GRM4: variants seen among roughly 807,000 people sequenced by gnomAD.
GRM4 encodes the protein glutamate metabotropic receptor 4, also known as metabotropic glutamate receptor 4.
Under a neutral mutation model 81.7 loss-of-function variants are expected in GRM4, and 28 were observed. The ratio of observed to expected loss-of-function variants is 0.34; its 90% CI spans 0.25 to 0.47. GRM4 has a LOEUF of 0.47. Ranked by LOEUF, GRM4 falls within the 20% of genes least tolerant of loss-of-function variation. The pLI, the probability that GRM4 is intolerant of heterozygous loss-of-function variation, is 1.00. For synonymous variants in GRM4, 488 were observed against 528.8 expected, an observed-to-expected ratio of 0.92 and a Z score of 1.06; for missense variants, 948 against 1,290.0, an observed-to-expected ratio of 0.73 and a Z score of 4.06.
chr6:34,079,207 C>T lies in GRM4; in HGVS notation c.736+12676G>A, dbSNP rs79248713. On this transcript the variant is annotated intron_variant, in intron 3 of 10. Transcript: ENST00000538487. The stretch of plus-strand genomic sequence containing the variant: ...TCTCTGCCAGGGCCAGCCCACCCGC[C>T]TCACGTCACCTGCTGCTCTTTCAGG... 6.8e-3 allele frequency among the ~76,000 whole-genome samples: 1,032 copies of T among 152,328 alleles called. 9 individuals carry two copies. Among genetic ancestry groups the T allele is most frequent in the African/African-American group, 0.019 (795 of 41,558 alleles).
In GRM4 at chr6:34,115,149, C is replaced by T. The variant is rs1469158481; in HGVS notation, c.519+17829G>A. On this transcript the variant is annotated intron_variant, in intron 2 of 10. Transcript: ENST00000538487. This position sits in a 1 kb window ranked among gnomAD's most constrained non-coding sequence, Gnocchi z 4.1. ...CCAGGGTTGAGAGGTGGTCAGGGCC[C>T]TGCCTAAACGCCAACACGCTGCCTC... is the stretch of plus-strand genomic sequence containing the variant. 2.0e-5 allele frequency among the ~76,000 whole-genome samples: 3 copies of T among 152,194 alleles called. No homozygotes were observed. The highest frequency in any genetic ancestry group is 2.9e-5 in the Non-Finnish European group (2 of 68,046).
intron 2 of GRM4, chr6:34,103,824 C>A: frequency 7.0e-7 from 1 of 1,428,704 alleles, no homozygotes; most frequent in Non-Finnish European, 9.1e-7. Context: ...ACAGGCACCA[C>A]GGTGAAAGAC....
rs970119630 is a variant in GRM4, at chr6:34,034,547, T to C, written c.2442+1121A>G. ...CTGCAGCGGCCTCTCTTCTCACTCA[T>C]GGTAAAAGCCAATGTCATTGCCACC... On this transcript the variant is annotated intron_variant, in intron 9 of 10. Coordinates refer to ENST00000538487, the MANE Select transcript of GRM4 (RefSeq NM_000841.4). This position sits in a 1 kb window ranked among gnomAD's most constrained non-coding sequence, Gnocchi z 4.0. 2.6e-5 allele frequency among the ~76,000 whole-genome samples: 4 copies of C among 152,208 alleles called. No homozygotes were observed. Among genetic ancestry groups the C allele is most frequent in the African/African-American group, 9.7e-5 (4 of 41,438 alleles).
At position 34,028,159 on chromosome 6, in the gene GRM4, C is replaced by T. The variant is rs984623886; in HGVS notation, c.2650G>A (p.Glu884Lys). 21 of 1,613,846 alleles carry T rather than the reference C, an allele frequency of 1.3e-5. No homozygotes were observed. The highest frequency in any genetic ancestry group is 1.3e-5 in the Non-Finnish European group (15 of 1,179,974). Residue 884 changes from glutamate to lysine, a missense_variant, in exon 10 of 11, where the codon GAG becomes AAG. Transcript: ENST00000538487. ...TQKGNFRPNG[E>K]AKSELCENLE... ...TTCTCGCAGAGCTCAGACTTGGCCT[C>T]TCCGTTGGGCCGGAAGTTGCCCTTC...
upstream of GRM4, among the ~76,000 whole-genome samples, chr6:34,150,172 A>ACC (rs112980021): frequency 1.3e-3 from 203 of 152,218 alleles, no homozygotes; most frequent in African/African-American, 4.6e-3. Flanking sequence ...TTGTACCTGT[A>ACC]CCCCACCTGC....
At position 34,056,440 on chromosome 6, in the gene GRM4, G is replaced by T. The variant is rs577197633; in HGVS notation, c.1168+104C>A. 4.3e-5 allele frequency: 45 copies of T among 1,055,808 alleles called. No individual in the cohort carries two copies. The South Asian group carries it at 6.6e-4, about 15-fold the overall frequency. The allele number at this position is 1,055,808 out of a possible 1,614,324, so 65.4% of individuals were successfully genotyped here. A position where few individuals can be genotyped will look rare whatever the true frequency, so the allele number is the denominator to read the frequency against. ...CCCAACTGCACGTCCTGCCACGGCC[G>T]GCCGACGACAGACAAAGGGAGACTC... On this transcript the variant is annotated intron_variant, in intron 6 of 10. Transcript: ENST00000538487.
chr6:34,096,972 G>C (rs926220904), intron 2 of GRM4, among the ~76,000 whole-genome samples: 2 of 152,092 alleles, frequency 1.3e-5, no homozygotes, highest in South Asian at 2.1e-4. Context: ...ACACGGGCTA[G>C]AGCGTGTGTC....
At chr6:34,053,409 C>A (rs1765704825) in intron 6 of GRM4, among the ~76,000 whole-genome samples, 2 of 152,186 alleles carry the variant, frequency 1.3e-5, no homozygotes, top group South Asian at 2.1e-4. Flanking sequence ...TCAGGTCCCA[C>A]AAACATTCCC....
At chr6:34,079,835 G>C (rs1459800357) in intron 3 of GRM4, among the ~76,000 whole-genome samples, 1 of 152,028 alleles carries the variant, frequency 6.6e-6, no homozygotes, top group Non-Finnish European at 1.5e-5. Flanking sequence ...CCCACCCTTG[G>C]TCCAGGCCAT....
At chr6:34,033,375 C>T (rs1450785455) in intron 9 of GRM4, among the ~76,000 whole-genome samples, 1 of 152,008 alleles carries the variant, frequency 6.6e-6, no homozygotes, top group Non-Finnish European at 1.5e-5. Context: ...CATGAGGTAT[C>T]CCAGAGCTGC....
At chr6:34,107,343 T>A (rs935338752) in intron 2 of GRM4, among the ~76,000 whole-genome samples, 1 of 152,020 alleles carries the variant, frequency 6.6e-6, no homozygotes, top group Admixed American at 6.6e-5. Context: ...ACATTCAGAA[T>A]ATACCTCCTG....
chr6:34,039,945 G>C (rs1013798605), intron 8 of GRM4, among the ~76,000 whole-genome samples: 1 of 152,190 alleles, frequency 6.6e-6, no homozygotes, highest in Non-Finnish European at 1.5e-5. Context: ...CAGGCTAAGG[G>C]AGGGGGCAGG....
chr6:34,094,277 A>G (rs1768396956), intron 2 of GRM4, among the ~76,000 whole-genome samples: 1 of 152,092 alleles, frequency 6.6e-6, no homozygotes, highest in Non-Finnish European at 1.5e-5. Flanking sequence ...GGGACCTTTC[A>G]CCTTCTACCC....
In GRM4 at chr6:34,068,058, C is replaced by T. The variant is rs866167867; in HGVS notation, c.737-6030G>A. On this transcript the variant is annotated intron_variant, in intron 3 of 10. Coordinates refer to ENST00000538487, the MANE Select transcript of GRM4 (RefSeq NM_000841.4). This position sits in a 1 kb window ranked among gnomAD's most constrained non-coding sequence, Gnocchi z 4.2. ...TGCAGCCATGCAGAGGACAGAAGCCCGGCGCCATGCAGCCTGCGTCCCAGG... is the reference window on the plus strand; with the variant it reads ...TGCAGCCATGCAGAGGACAGAAGCCTGGCGCCATGCAGCCTGCGTCCCAGG... Among the ~76,000 whole-genome samples the T allele has an allele frequency of 1.9e-4, 29 of 152,216 alleles. No individual in the cohort carries two copies. Among genetic ancestry groups the T allele is most frequent in the African/African-American group, 3.1e-4 (13 of 41,456 alleles).
At chr6:34,093,297 C>T (rs1044865001) in intron 2 of GRM4, among the ~76,000 whole-genome samples, 6 of 152,200 alleles carry the variant, frequency 3.9e-5, no homozygotes, top group African/African-American at 1.4e-4. Flanking sequence ...CTGGGGCCAC[C>T]CCCCAGACCA....
chr6:34,065,287 G>A (rs1316309674), intron 3 of GRM4, among the ~76,000 whole-genome samples: 3 of 152,006 alleles, frequency 2.0e-5, no homozygotes, highest in African/African-American at 4.8e-5. Context: ...TGGGCCACAC[G>A]ACTAACACTC....
chr6:34,061,724 C>G, intron 4 of GRM4, 169 bp downstream of exon 4: 1 of 645,474 alleles, frequency 1.5e-6, no homozygotes, highest in South Asian at 2.0e-5. Flanking sequence ...GTAGCTTGTG[C>G]TCTAGCCTGT....
chr6:34,095,814 C>A (rs137918618), intron 2 of GRM4, among the ~76,000 whole-genome samples: 2 of 152,328 alleles, frequency 1.3e-5, no homozygotes, highest in African/African-American at 4.8e-5. Context: ...TCTTGCCCCA[C>A]CCTGGAGTGG....
upstream of GRM4, among the ~76,000 whole-genome samples, chr6:34,149,134 C>T (rs1197293553): frequency 4.0e-5 from 6 of 151,740 alleles, no homozygotes; most frequent in Non-Finnish European, 8.8e-5. Context: ...GGGAAAGCAA[C>T]TCCCCCCCAA....
Sources: allele counts gnomAD v4.1 joint callset (sites outside exome capture counted in the v4.1 genomes callset), GRCh38; gene constraint gnomAD v4.1.1; non-coding constraint Gnocchi (gnomAD v3.1); transcripts MANE v1.5; gene names NCBI Gene and HGNC (gene_info 2026-07-23, HGNC 2026-07-21).